The following CNTNAP2 variants were observed in gnomAD, a reference collection of about 807,000 sequenced individuals.
CNTNAP2 encodes contactin-associated protein-like 2.
In CNTNAP2, 98 loss-of-function variants were observed where a neutral mutation model predicts 155.2. The observed-to-expected ratio is 0.63, with a 90% CI of 0.54 to 0.75. The LOEUF is 0.75. Among genes scored for constraint, CNTNAP2 ranks in the 30% least tolerant of loss-of-function variants. CNTNAP2 has a pLI of 0.00. For synonymous variants in CNTNAP2, 651 were observed against 631.2 expected (o/e 1.03, Z -0.47); for missense variants, 1,727 against 1,688.1 (o/e 1.02, Z -0.40).
intron 1 of CNTNAP2, among the ~76,000 whole-genome samples, chr7:146,667,149 G>A (rs540090664): frequency 6.6e-6 from 1 of 152,158 alleles, no homozygotes; most frequent in East Asian, 1.9e-4. Context: ...TCTATTTTGA[G>A]TTGAGCTTTG....
chr7:147,661,806 C>T (rs1047391623), intron 13 of CNTNAP2, among the ~76,000 whole-genome samples: 6 of 152,152 alleles, frequency 3.9e-5, no homozygotes, highest in African/African-American at 1.4e-4. Context: ...CCACCTCGGC[C>T]TCCCAAAGTG....
At position 146,644,492 on chromosome 7, in the gene CNTNAP2, C is replaced by G. The variant is rs1799773941; in HGVS notation, c.98-129779C>G. ...GCGTATGTTGAACCAGCCTTGCATC[C>G]CAGGGATGAAGCCCTCTTGATCATG... On this transcript the variant is annotated intron_variant, in intron 1 of 23. Transcript: ENST00000361727. 3.3e-5 allele frequency among the ~76,000 whole-genome samples: 5 copies of G among 152,058 alleles called. No individual in the cohort carries two copies. The South Asian group carries it at 1.0e-3, about 32-fold the overall frequency.
intron 1 of CNTNAP2, among the ~76,000 whole-genome samples, chr7:146,743,574 CTTTTTT>C (rs559237602): frequency 6.9e-6 from 1 of 145,860 alleles, no homozygotes; most frequent in African/African-American, 2.5e-5. Context: ...TATGCAGTGA[CTTTTTT>C]TTTTTTAATG....
intron 9 of CNTNAP2, among the ~76,000 whole-genome samples, chr7:147,356,523 A>G (rs966989721): frequency 1.3e-5 from 2 of 152,154 alleles, no homozygotes; most frequent in Non-Finnish European, 2.9e-5. Flanking sequence ...TTATACATTT[A>G]GAAAACCCCA....
intron 2 of CNTNAP2, among the ~76,000 whole-genome samples, chr7:146,814,255 C>T (rs1182944680): frequency 6.6e-6 from 1 of 152,064 alleles, no homozygotes; most frequent in Non-Finnish European, 1.5e-5. Flanking sequence ...TAGGCTTCTT[C>T]CCTAGCCATT....
At chr7:147,544,864 G>A (rs1799703601) in intron 11 of CNTNAP2, among the ~76,000 whole-genome samples, 2 of 152,212 alleles carry the variant, frequency 1.3e-5, no homozygotes, top group Admixed American at 6.5e-5. Context: ...CTGCCACCAT[G>A]TAAGATGTCT....
intron 13 of CNTNAP2, among the ~76,000 whole-genome samples, chr7:147,815,997 T>A (rs1798259615): frequency 6.6e-6 from 1 of 152,222 alleles, no homozygotes; most frequent in African/African-American, 2.4e-5. Flanking sequence ...GGCTGCTGTG[T>A]TAATAAGTGG....
chr7:147,352,656 C>A (rs776000419), intron 9 of CNTNAP2, among the ~76,000 whole-genome samples: 2 of 151,954 alleles, frequency 1.3e-5, no homozygotes, highest in Non-Finnish European at 2.9e-5. Flanking sequence ...CTTTCTCTTT[C>A]TTAAAAACAT....
Position 147,199,947 on chromosome 7 carries a change from G to T in CNTNAP2, c.1348+67438G>T, listed in dbSNP as rs1802889424. Among the ~76,000 whole-genome samples the T allele has an allele frequency of 1.3e-5, 2 of 152,000 alleles. 1 individual carries two copies. The highest frequency in any genetic ancestry group is 4.2e-4 in the South Asian group (2 of 4,818). On this transcript the variant is annotated intron_variant, in intron 8 of 23. Coordinates refer to ENST00000361727, the MANE Select transcript of CNTNAP2 (RefSeq NM_014141.6). ...CAAGTGAGAATTAATATAAACACAT[G>T]CTAATAGGGCTGCTTTATGCTTATG...
chr7:148,363,994 C>T (rs918682590), intron 21 of CNTNAP2, among the ~76,000 whole-genome samples: 18 of 152,174 alleles, frequency 1.2e-4, no homozygotes, highest in Non-Finnish European at 1.9e-4. Context: ...CCAGCAGTGC[C>T]GGCCCACCGG....
At chr7:148,185,848 G>C (rs747231659) in intron 18 of CNTNAP2, among the ~76,000 whole-genome samples, 66 of 152,306 alleles carry the variant, frequency 4.3e-4, no homozygotes, top group Non-Finnish European at 7.9e-4. Flanking sequence ...AGTAGATCAA[G>C]TTATAAATTG....
chr7:147,518,903 C>T (rs941321799), intron 11 of CNTNAP2, among the ~76,000 whole-genome samples: 1 of 151,288 alleles, frequency 6.6e-6, no homozygotes, highest in African/African-American at 2.4e-5. Context: ...TGGTGGCGGG[C>T]GCCTGTAGTT....
chr7:148,341,068 T>C (rs889097149), intron 21 of CNTNAP2, among the ~76,000 whole-genome samples: 1 of 152,192 alleles, frequency 6.6e-6, no homozygotes, highest in African/African-American at 2.4e-5. Flanking sequence ...CATGCACATA[T>C]GCTATGCACT....
intron 10 of CNTNAP2, among the ~76,000 whole-genome samples, chr7:147,455,572 AT>A (rs1466593105): frequency 6.6e-6 from 1 of 152,142 alleles, no homozygotes; most frequent in African/African-American, 2.4e-5. Context: ...GAATAACATT[AT>A]GAGTAAAAAG....
intron 3 of CNTNAP2, among the ~76,000 whole-genome samples, chr7:146,872,162 A>ATTTTTTTTTTTTTTTTTTTTTTT (rs144291754): frequency 2.7e-5 from 3 of 111,532 alleles, no homozygotes; most frequent in Non-Finnish European, 5.5e-5. Flanking sequence ...AAATTATTGA[A>ATTTTTTTTTTTTTTTTTTTTTTT]TTTTTTTTTT....
chr7:146,783,356 C>T (rs1339593774), intron 2 of CNTNAP2, among the ~76,000 whole-genome samples: 3 of 152,162 alleles, frequency 2.0e-5, no homozygotes, highest in African/African-American at 7.2e-5. Context: ...TCACAGATTT[C>T]ATATCCACCT....
At chr7:147,526,261 G>A (rs1227559908) in intron 11 of CNTNAP2, among the ~76,000 whole-genome samples, 1 of 151,816 alleles carries the variant, frequency 6.6e-6, no homozygotes, top group East Asian at 1.9e-4. Context: ...TGAATCTTTG[G>A]CATTTTTAAA....
chr7:146,812,830 C>T (rs1803092707), intron 2 of CNTNAP2, among the ~76,000 whole-genome samples: 2 of 152,144 alleles, frequency 1.3e-5, no homozygotes, highest in Non-Finnish European at 2.9e-5. Context: ...TGGACTGGAC[C>T]CAGGGTCCCC....
chr7:148,077,099 G>A lies in CNTNAP2; in HGVS notation c.2384-41019G>A, dbSNP rs117260807. Among the ~76,000 whole-genome samples the A allele has an allele frequency of 1.6e-4, 25 of 152,138 alleles. 1 individual carries two copies. The highest frequency in any genetic ancestry group is 3.1e-4 in the Non-Finnish European group (21 of 68,010). On this transcript the variant is annotated intron_variant, in intron 15 of 23. Transcript: ENST00000361727. ...AAGGCGGGTGGCTCACCTGAGGTCG[G>A]GAGTTCGATACTAGCCTGACCAACA... is the stretch of plus-strand genomic sequence containing the variant.
Sources: gnomAD v4.1 joint callset for allele counts (sites outside exome capture counted in the v4.1 genomes callset) on GRCh38, gnomAD v4.1.1 for gene constraint, MANE v1.5 for transcripts, NCBI Gene and HGNC (gene_info 2026-07-23, HGNC 2026-07-21) for gene names.